GFOD2: variants seen among roughly 807,000 people sequenced by gnomAD.
The protein encoded by GFOD2 is glucose-fructose oxidoreductase domain-containing protein 2.
Under a neutral mutation model 24.6 loss-of-function variants are expected in GFOD2, and 9 were observed. The observed-to-expected ratio is 0.37, with a 90% CI of 0.22 to 0.64. The LOEUF is 0.64. Among genes scored for constraint, GFOD2 ranks in the 30% least tolerant of loss-of-function variants. The pLI is 0.65. For missense variants in GFOD2, 476 were observed against 532.5 expected, an observed-to-expected ratio of 0.89 and a Z score of 1.04; for synonymous variants, 211 against 224.8, an observed-to-expected ratio of 0.94 and a Z score of 0.55.
In GFOD2 at chr16:67,675,942, A is replaced by G; in HGVS notation, c.371T>C (p.Leu124Pro). 6.2e-7 allele frequency: 1 copy of G among 1,614,236 alleles called. No individual in the cohort carries two copies. Among genetic ancestry groups the G allele is most frequent in the Non-Finnish European group, 8.5e-7 (1 of 1,180,044 alleles). The change falls in exon 3 of 3, where the codon CTG (leucine) becomes CCG (proline). Residue 124 changes from leucine to proline, a missense_variant. Coordinates refer to ENST00000268797, the MANE Select transcript of GFOD2 (RefSeq NM_030819.4). The stretch of plus-strand genomic sequence containing the variant: ...GCGCACGAAGGCAGGCAGGAAGCGC[A>G]GCACGTTCCCTACCAGGCTCATGAG... ...PQLMSLVGNV[L>P]RFLPAFVRMK...
At chr16:67,701,094 C>G (rs1265099911) in intron 1 of GFOD2, among the ~76,000 whole-genome samples, 2 of 151,472 alleles carry the variant, frequency 1.3e-5, no homozygotes, top group Non-Finnish European at 2.9e-5. Flanking sequence ...ATTACAATGT[C>G]TGAAATTCAG....
intron 2 of GFOD2, chr16:67,682,275 A>C: frequency 1.2e-6 from 1 of 840,194 alleles, no homozygotes; most frequent in Non-Finnish European, 1.4e-6. Flanking sequence ...TGACCTTGTG[A>C]TCCGCCCGCC....
At chr16:67,683,803 A>G in intron 2 of GFOD2, 3 of 1,224,642 alleles carry the variant, frequency 2.4e-6, no homozygotes, top group Non-Finnish European at 3.0e-6. Flanking sequence ...GTGGAGGACA[A>G]CCTCATGGCA....
intron 2 of GFOD2, chr16:67,681,534 A>G (rs8061500): frequency 0.19 from 108,819 of 576,832 alleles, 16,349 homozygotes; most frequent in African/African-American, 0.64. Context: ...TCAGCCTCCC[A>G]AGTAGCTGGG....
chr16:67,699,481 T>G (rs1395203420), intron 1 of GFOD2, among the ~76,000 whole-genome samples: 2 of 152,102 alleles, frequency 1.3e-5, no homozygotes, highest in African/African-American at 4.8e-5. Context: ...TGTGGTGTTT[T>G]TTTGTTTGTT....
chr16:67,699,389 A>G (rs954262432), intron 1 of GFOD2, among the ~76,000 whole-genome samples: 22 of 152,140 alleles, frequency 1.4e-4, no homozygotes, highest in African/African-American at 4.8e-4. Context: ...AAAAAAAAAT[A>G]CACCATGACC....
chr16:67,683,796 G>A, intron 2 of GFOD2: 1 of 1,226,146 alleles, frequency 8.2e-7, no homozygotes. Flanking sequence ...AGGAAGAGTG[G>A]AGGACAACCT....
chr16:67,707,241 C>T (rs2053445033), intron 1 of GFOD2, among the ~76,000 whole-genome samples: 2 of 151,380 alleles, frequency 1.3e-5, no homozygotes, highest in South Asian at 4.2e-4. Flanking sequence ...GCCTGTAATC[C>T]CAGCTACTCA....
At chr16:67,699,768 G>A (rs1226389646) in intron 1 of GFOD2, among the ~76,000 whole-genome samples, 1 of 150,682 alleles carries the variant, frequency 6.6e-6, no homozygotes. Context: ...ACAGGAGCAA[G>A]CCACCGCGCC....
Position 67,690,398 on chromosome 16 carries a change from A to ATT in GFOD2, c.-87-4598_-87-4597dup, listed in dbSNP as rs1299554106. Among the ~76,000 whole-genome samples the ATT allele has an allele frequency of 2.5e-3, 337 of 137,144 alleles. 2 individuals carry two copies. The highest frequency in any genetic ancestry group is 0.011 in the Middle Eastern group (3 of 272). The allele number at this position is 137,144 out of a possible 152,430, so 90.0% of individuals were successfully genotyped here. A position where few individuals can be genotyped will look rare whatever the true frequency, so the allele number is the denominator to read the frequency against. ...GGATGTGAGGTGACCATTATTCACT[A>ATT]TTTTTTTTTTTTTTTTGAGACAGAG... On this transcript the variant is annotated intron_variant, in intron 1 of 2. Transcript: ENST00000268797.
chr16:67,685,761 G>A lies in GFOD2; in HGVS notation c.-46C>T. The A allele has an allele frequency of 6.3e-7, 1 of 1,578,394 alleles. No individual in the cohort carries two copies. Among genetic ancestry groups the A allele is most frequent in the Non-Finnish European group, 8.6e-7 (1 of 1,164,932 alleles). ...ACTCATCTCCTCACAAGAGCCTCTG[G>A]CATGGATATGATCTTCCAAACGTCC... On this transcript the variant is annotated 5_prime_UTR_variant, in exon 2 of 3. Coordinates refer to ENST00000268797, the MANE Select transcript of GFOD2 (RefSeq NM_030819.4).
chr16:67,700,183 G>A (rs1335750571), intron 1 of GFOD2, among the ~76,000 whole-genome samples: 1 of 152,046 alleles, frequency 6.6e-6, no homozygotes, highest in East Asian at 1.9e-4. Context: ...CGACCAGCCT[G>A]GGCAACAAGG....
intron 1 of GFOD2, among the ~76,000 whole-genome samples, chr16:67,699,667 A>G (rs937965767): frequency 2.0e-5 from 3 of 152,062 alleles, no homozygotes; most frequent in Non-Finnish European, 2.9e-5. Context: ...TACATTTTGT[A>G]GAGAAGGGGT....
At position 67,675,456 on chromosome 16, in the gene GFOD2, G is replaced by A. The variant is rs1395544712; in HGVS notation, c.857C>T (p.Ala286Val). 1 of 1,612,098 alleles carries A rather than the reference G, an allele frequency of 6.2e-7. No homozygotes were observed. The highest frequency in any genetic ancestry group is 8.5e-7 in the Non-Finnish European group (1 of 1,180,032). ...CTGCTCAGGCAGTCCTGCGCCCACT[G>A]CCAGCGAGTCCCTCAAGAGCAGCTC... ...QEELLLRDSL[A>V]VGAGLPEQGP... Residue 286 changes from alanine to valine, a missense_variant, in exon 3 of 3, where the codon GCA becomes GTA. Ala to Val is a moderately conservative substitution (Grantham distance 64). Transcript: ENST00000268797.
At position 67,681,296 on chromosome 16, in the gene GFOD2, G is replaced by C. The variant is rs921154634; in HGVS notation, c.259+4161C>G. The C allele has an allele frequency of 4.1e-6, 4 of 985,302 alleles. No homozygotes were observed. In the Admixed American group the frequency reaches 2.5e-4, roughly 61 times the overall value. The allele number at this position is 985,302 out of a possible 1,614,324, so 61.0% of individuals were successfully genotyped here. A position where few individuals can be genotyped will look rare whatever the true frequency, so the allele number is the denominator to read the frequency against. On this transcript the variant is annotated intron_variant, in intron 2 of 2. Coordinates refer to ENST00000268797, the MANE Select transcript of GFOD2 (RefSeq NM_030819.4). Reference sequence around the variant, plus strand: ...GTGAGGCAGAGAGGAGGTGGGTTTAGAGGAAAAAGGACTTTTATGACTGCT... The same window carrying C: ...GTGAGGCAGAGAGGAGGTGGGTTTACAGGAAAAAGGACTTTTATGACTGCT...
At chr16:67,704,424 T>C (rs2053425781) in intron 1 of GFOD2, among the ~76,000 whole-genome samples, 1 of 152,180 alleles carries the variant, frequency 6.6e-6, no homozygotes, top group Admixed American at 6.6e-5. Flanking sequence ...ATTATCTTCA[T>C]TTTACAGATG....
At chr16:67,715,999 C>T (rs1285250691) in intron 1 of GFOD2, among the ~76,000 whole-genome samples, 1 of 152,126 alleles carries the variant, frequency 6.6e-6, no homozygotes, top group Non-Finnish European at 1.5e-5. Flanking sequence ...CAGAGCAAGA[C>T]CCTGTCTCAA....
At chr16:67,695,974 G>A (rs1336421756) in intron 1 of GFOD2, among the ~76,000 whole-genome samples, 1 of 151,474 alleles carries the variant, frequency 6.6e-6, no homozygotes, top group Non-Finnish European at 1.5e-5. Context: ...TTGTATTTGG[G>A]TATATATAGG....
At chr16:67,710,547 A>G (rs2142997487) in intron 1 of GFOD2, among the ~76,000 whole-genome samples, 1 of 152,068 alleles carries the variant, frequency 6.6e-6, no homozygotes, top group South Asian at 2.1e-4. Context: ...GTTTTTTAGT[A>G]GAGACGGGGT....
Sources: gnomAD v4.1 joint callset for allele counts (sites outside exome capture counted in the v4.1 genomes callset) on GRCh38, gnomAD v4.1.1 for gene constraint, MANE v1.5 for transcripts, NCBI Gene and HGNC (gene_info 2026-07-23, HGNC 2026-07-21) for gene names.